Variants in ABL2 observed in about 807,000 individuals in gnomAD.
ABL2 encodes the protein tyrosine-protein kinase ABL2.
In ABL2, 49 loss-of-function variants were observed where a neutral mutation model predicts 107.7. That is an observed-to-expected ratio of 0.45 (90% CI 0.36 to 0.58). The LOEUF (loss-of-function observed/expected upper bound fraction) is 0.58, where lower values mean the gene tolerates loss of function less well. Among genes scored for constraint, ABL2 ranks in the 20% least tolerant of loss-of-function variants. The probability of loss-of-function intolerance (pLI) is 0.00; values close to 1 mark genes in which losing one functional copy is unlikely to be tolerated. For missense variants in ABL2, 1,245 were observed against 1,457.0 expected, an observed-to-expected ratio of 0.85 and a Z score of 2.37; for synonymous variants, 549 against 548.6, an observed-to-expected ratio of 1.00 and a Z score of -0.01.
At chr1:179,167,838 G>A (rs1417109415) in intron 1 of ABL2, among the ~76,000 whole-genome samples, 1 of 152,158 alleles carries the variant, frequency 6.6e-6, no homozygotes, top group African/African-American at 2.4e-5. Context: ...AAACTCTGCG[G>A]GGTGTGGTGG....
intron 3 of ABL2, among the ~76,000 whole-genome samples, chr1:179,127,943 G>A (rs1409484315): frequency 1.3e-5 from 2 of 151,448 alleles, no homozygotes; most frequent in Admixed American, 1.3e-4. Flanking sequence ...GCTGAGGCAG[G>A]AGAATTGCTT....
chr1:179,206,030 T>C lies in ABL2; in HGVS notation c.157+23211A>G, dbSNP rs756787390. ...CATCTCTATTTTACAAATAAGGACA[T>C]TGAATTACAGGGATGTTGAATAACA... On this transcript the variant is annotated intron_variant, in intron 1 of 11. Coordinates refer to ENST00000502732, the MANE Select transcript of ABL2 (RefSeq NM_007314.4). 5.3e-5 allele frequency among the ~76,000 whole-genome samples: 8 copies of C among 152,180 alleles called. No homozygotes were observed. In the South Asian group the frequency reaches 6.2e-4, roughly 12 times the overall value.
rs963780040 is a variant in ABL2 at position 179,212,318 on chromosome 1, T to C, written c.157+16923A>G. On this transcript the variant is annotated intron_variant, in intron 1 of 11. Transcript: ENST00000502732. The stretch of plus-strand genomic sequence containing the variant: ...TCATCCTACTTGCTGAATATATCAA[T>C]CATTTAAATACTACTGAGTGCCTGG... Among the ~76,000 whole-genome samples the C allele has an allele frequency of 2.6e-5, 4 of 152,288 alleles. 1 individual carries two copies. Among genetic ancestry groups the C allele is most frequent in the Middle Eastern group, 6.8e-3 (2 of 294 alleles).
chr1:179,146,960 T>C lies in ABL2; in HGVS notation c.158-13586A>G, dbSNP rs144402499. 2.6e-4 allele frequency among the ~76,000 whole-genome samples: 40 copies of C among 151,990 alleles called. 1 individual carries two copies. The East Asian group carries it at 7.7e-3, about 29-fold the overall frequency. ...CTTTACTGGTGACAACTATAGACTC[T>C]TATCAGCCCAGAGATGGCCTGAGCC... is the stretch of plus-strand genomic sequence containing the variant. On this transcript the variant is annotated intron_variant, in intron 1 of 11. Coordinates refer to ENST00000502732, the MANE Select transcript of ABL2 (RefSeq NM_007314.4).
At chr1:179,199,875 G>A (rs915175721) in intron 1 of ABL2, among the ~76,000 whole-genome samples, 1 of 151,050 alleles carries the variant, frequency 6.6e-6, no homozygotes, top group Non-Finnish European at 1.5e-5. Flanking sequence ...TGGGACTACA[G>A]GCATGTACCT....
rs554508139 is a variant in ABL2 at position 179,117,285 on chromosome 1, A to T, written c.1408+47T>A. On this transcript the variant is annotated intron_variant, in intron 8 of 11. Transcript: ENST00000502732. ...AGCTCTAAAGAATCAAGGCATTTAT[A>T]AAAAAAAAAATAAAATGACACAGAA... 84 of 1,059,572 alleles carry T rather than the reference A, an allele frequency of 7.9e-5. No homozygotes were observed. In the South Asian group the frequency reaches 9.7e-4, roughly 12 times the overall value. The allele number at this position is 1,059,572 out of a possible 1,614,324, so 65.6% of individuals were successfully genotyped here.
At position 179,229,652 on chromosome 1, in the gene ABL2, GCCA is replaced by G. The variant is rs768016929; in HGVS notation, c.-258_-256del. On this transcript the variant is annotated 5_prime_UTR_variant, in exon 1 of 12. Transcript: ENST00000502732. The stretch of plus-strand genomic sequence containing the variant: ...CCCCAACGCCGCCGCCGCCGCCGCC[GCCA>G]CCGCCGCCGCCATCTTTAAACCACC... The G allele has an allele frequency of 2.4e-3, 1,105 of 463,182 alleles. 8 individuals carry two copies. The highest frequency in any genetic ancestry group is 3.5e-3 in the Non-Finnish European group (949 of 270,742). 28.7% of individuals were successfully genotyped at this position (463,182 alleles called of 1,614,324 possible). A position where few individuals can be genotyped will look rare whatever the true frequency, so the allele number is the denominator to read the frequency against.
In ABL2 at chr1:179,099,505, G is replaced by C. The variant is rs1179553657; in HGVS notation, c.*8213C>G. 4.0e-5 allele frequency: 9 copies of C among 223,726 alleles called. No individual in the cohort carries two copies. In the East Asian group the frequency reaches 5.8e-4, roughly 15 times the overall value. 13.9% of individuals were successfully genotyped at this position (223,726 alleles called of 1,614,324 possible). ...AGAGAATTAAATTAGAAAAACAACT[G>C]AAAATATATTACAATAACAATTAAG... On this transcript the variant is annotated 3_prime_UTR_variant, in exon 12 of 12. Coordinates refer to ENST00000502732, the MANE Select transcript of ABL2 (RefSeq NM_007314.4).
intron 1 of ABL2, among the ~76,000 whole-genome samples, chr1:179,182,425 C>T (rs1163860878): frequency 6.6e-6 from 1 of 152,112 alleles, no homozygotes; most frequent in Admixed American, 6.5e-5. Flanking sequence ...CAATTATATG[C>T]TCTCCTCTCT....
intron 1 of ABL2, among the ~76,000 whole-genome samples, chr1:179,197,026 A>G (rs1156364092): frequency 6.6e-6 from 1 of 152,232 alleles, no homozygotes; most frequent in African/African-American, 2.4e-5. Flanking sequence ...CAAAAATTGA[A>G]TATATCAAAC....
chr1:179,200,361 G>A (rs919640385), intron 1 of ABL2, among the ~76,000 whole-genome samples: 3 of 152,058 alleles, frequency 2.0e-5, no homozygotes, highest in African/African-American at 7.2e-5. Flanking sequence ...ATGCTTTCTT[G>A]AGTTACATTT....
Position 179,108,372 on chromosome 1 carries a change from C to T in ABL2, c.2895G>A (p.Gln965=), listed in dbSNP as rs767751497. 3 of 1,614,120 alleles carry T rather than the reference C, an allele frequency of 1.9e-6. No individual in the cohort carries two copies. The highest frequency in any genetic ancestry group is 1.7e-5 in the Admixed American group (1 of 60,012). ...GNKFKLLSEH[Q]VTSSGDKDRP... ...GGTCCTTGTCTCCAGAGGATGTGACCTGATGCTCAGATAAGAGCTTGAATT... is the reference window on the plus strand; with the variant it reads ...GGTCCTTGTCTCCAGAGGATGTGACTTGATGCTCAGATAAGAGCTTGAATT... The change falls in exon 12 of 12, where the codon CAG becomes CAA. Residue 965 remains glutamine (Q), a synonymous_variant. Coordinates refer to ENST00000502732, the MANE Select transcript of ABL2 (RefSeq NM_007314.4).
At chr1:179,222,906 T>A in intron 1 of ABL2, among the ~76,000 whole-genome samples, 1 of 148,546 alleles carries the variant, frequency 6.7e-6, no homozygotes, top group Non-Finnish European at 1.5e-5. Context: ...AGGCCAGGAG[T>A]TCGAGACAAG....
chr1:179,173,358 A>ATTTT (rs554479137), intron 1 of ABL2, among the ~76,000 whole-genome samples: 169 of 106,132 alleles, frequency 1.6e-3, no homozygotes, highest in African/African-American at 3.1e-3. Context: ...AAAGGCTGTA[A>ATTTT]TTTTTTTTTT....
chr1:179,174,911 A>AAAAT (rs1557975241), intron 1 of ABL2, among the ~76,000 whole-genome samples: 2 of 108,300 alleles, frequency 1.8e-5, no homozygotes, highest in African/African-American at 6.3e-5. Flanking sequence ...AAAAAAAATA[A>AAAAT]AATAAAAAAA....
intron 8 of ABL2, 108 bp downstream of exon 8, chr1:179,117,221 TGGC>T: frequency 9.4e-7 from 1 of 1,061,532 alleles, no homozygotes. Flanking sequence ...TGAAGAAGAA[TGGC>T]AGGTAAAGGT....
intron 1 of ABL2, among the ~76,000 whole-genome samples, chr1:179,179,571 G>C (rs1378395673): frequency 2.6e-5 from 4 of 151,054 alleles, no homozygotes; most frequent in Non-Finnish European, 5.9e-5. Flanking sequence ...GTACTAATAC[G>C]GGAAAAACAA....
At chr1:179,115,608 C>T (rs1654543109) in intron 8 of ABL2, among the ~76,000 whole-genome samples, 1 of 152,098 alleles carries the variant, frequency 6.6e-6, no homozygotes, top group South Asian at 2.1e-4. Flanking sequence ...CTGAGAAGAC[C>T]TCTCGGTTAT....
At position 179,106,863 on chromosome 1, in the gene ABL2, C is replaced by T. The variant is rs1214641459; in HGVS notation, c.*855G>A. ...TTCAAAATCAACACTGGTTAATGCT[C>T]TGAATGCTACCAGGAATAAAGGAAG... On this transcript the variant is annotated 3_prime_UTR_variant, in exon 12 of 12. Coordinates refer to ENST00000502732, the MANE Select transcript of ABL2 (RefSeq NM_007314.4). 8.7e-6 allele frequency: 2 copies of T among 231,090 alleles called. No individual in the cohort carries two copies. The highest frequency in any genetic ancestry group is 4.4e-5 in the African/African-American group (2 of 45,208). 14.3% of individuals were successfully genotyped at this position (231,090 alleles called of 1,614,324 possible). A position where few individuals can be genotyped will look rare whatever the true frequency, so the allele number is the denominator to read the frequency against.
Sources: gnomAD v4.1 joint callset for allele counts (sites outside exome capture counted in the v4.1 genomes callset) on GRCh38, gnomAD v4.1.1 for gene constraint, MANE v1.5 for transcripts, NCBI Gene and HGNC (gene_info 2026-07-23, HGNC 2026-07-21) for gene names.